ADAMTS17: variants seen among roughly 807,000 people sequenced by gnomAD.
ADAMTS17 encodes the protein A disintegrin and metalloproteinase with thrombospondin motifs 17.
ADAMTS17 carries 113 observed loss-of-function variants against 141.5 expected under a neutral mutation model. The ratio of observed to expected loss-of-function variants is 0.80; its 90% CI spans 0.69 to 0.93. The LOEUF is 0.93. Ranked by LOEUF, ADAMTS17 falls within the 40% of genes least tolerant of loss-of-function variation. The probability of loss-of-function intolerance (pLI) is 0.00; values close to 1 mark genes in which losing one functional copy is unlikely to be tolerated. For missense variants in ADAMTS17, 1,659 were observed against 1,517.9 expected (o/e 1.09, Z -1.54); for synonymous variants, 768 against 630.6 (o/e 1.22, Z -3.27).
In ADAMTS17 at chr15:100,071,073, C is replaced by T. The variant is rs565010395; in HGVS notation, c.2138-17019G>A. 6.7e-4 allele frequency among the ~76,000 whole-genome samples: 101 copies of T among 150,314 alleles called. 2 individuals carry two copies. The highest frequency in any genetic ancestry group is 1.3e-3 in the South Asian group (6 of 4,744). ...TGATAAAGCAGATATCACCACTGAT[C>T]CCACAGAAATACAAACTGCCATCAG... On this transcript the variant is annotated intron_variant, in intron 15 of 21. Transcript: ENST00000268070.
intron 11 of ADAMTS17, 24 bp downstream of exon 11, chr15:100,133,190 G>C: frequency 6.4e-7 from 1 of 1,560,920 alleles, no homozygotes; most frequent in Non-Finnish European, 8.7e-7. Flanking sequence ...TGCCTGTTGG[G>C]GGCAGTGGGA....
intron 2 of ADAMTS17, 40 bp downstream of exon 2, chr15:100,340,999 C>G (rs1193935149): frequency 1.3e-6 from 2 of 1,524,066 alleles, no homozygotes; most frequent in Admixed American, 3.9e-5. Flanking sequence ...TGCGTCGCAA[C>G]AGACCGGACG....
At chr15:100,054,518 C>T (rs2032404798) in intron 15 of ADAMTS17, among the ~76,000 whole-genome samples, 1 of 152,152 alleles carries the variant, frequency 6.6e-6, no homozygotes, top group Admixed American at 6.5e-5. Flanking sequence ...TATTACCTAC[C>T]TGGGGTTCCA....
chr15:100,334,653 G>A (rs969184706), intron 2 of ADAMTS17, among the ~76,000 whole-genome samples: 3 of 152,186 alleles, frequency 2.0e-5, no homozygotes, highest in African/African-American at 7.2e-5. Context: ...ACGCAACACG[G>A]CCACGCGGGG....
chr15:100,055,129 C>G (rs1452801760), intron 15 of ADAMTS17, among the ~76,000 whole-genome samples: 1 of 152,092 alleles, frequency 6.6e-6, no homozygotes, highest in African/African-American at 2.4e-5. Context: ...AGTCCTATGC[C>G]CACACTCCCT....
intron 20 of ADAMTS17, among the ~76,000 whole-genome samples, chr15:99,985,791 A>C (rs1315161126): frequency 6.6e-6 from 1 of 152,176 alleles, no homozygotes; most frequent in African/African-American, 2.4e-5. Context: ...CCAATGAGAT[A>C]CCCTGAGGGA....
chr15:100,113,859 C>T (rs1276890965), intron 13 of ADAMTS17, among the ~76,000 whole-genome samples: 1 of 152,204 alleles, frequency 6.6e-6, no homozygotes, highest in Admixed American at 6.5e-5. Flanking sequence ...GCGCTGGGAA[C>T]GCACAGCCAC....
intron 8 of ADAMTS17, among the ~76,000 whole-genome samples, chr15:100,170,535 C>T (rs543641295): frequency 6.6e-6 from 1 of 152,330 alleles, no homozygotes; most frequent in South Asian, 2.1e-4. Flanking sequence ...AAATTGGGAA[C>T]CATTGAAAGT....
intron 15 of ADAMTS17, among the ~76,000 whole-genome samples, chr15:100,094,042 A>G (rs2035620136): frequency 6.6e-6 from 1 of 152,026 alleles, no homozygotes; most frequent in African/African-American, 2.4e-5. Flanking sequence ...TATACAATCC[A>G]CATGGATGTG....
chr15:99,990,339 G>T (rs1204757593), intron 20 of ADAMTS17, among the ~76,000 whole-genome samples: 1 of 152,230 alleles, frequency 6.6e-6, no homozygotes, highest in South Asian at 2.1e-4. Flanking sequence ...CCCAGCCAAA[G>T]CACACATATC....
chr15:100,026,364 C>T (rs1276565328), intron 18 of ADAMTS17, among the ~76,000 whole-genome samples: 1 of 152,214 alleles, frequency 6.6e-6, no homozygotes, highest in Non-Finnish European at 1.5e-5. Context: ...TTGTACATGT[C>T]TTGTACAACT....
chr15:99,972,474 C>T lies in ADAMTS17; in HGVS notation c.*1928G>A, dbSNP rs1183469298. 2.0e-5 allele frequency: 3 copies of T among 152,126 alleles called. No individual in the cohort carries two copies. Among genetic ancestry groups the T allele is most frequent in the Admixed American group, 2.0e-4 (3 of 15,274 alleles). The allele number at this position is 152,126 out of a possible 1,614,324, so 9.4% of individuals were successfully genotyped here. A position where few individuals can be genotyped will look rare whatever the true frequency, so the allele number is the denominator to read the frequency against. On this transcript the variant is annotated 3_prime_UTR_variant, in exon 22 of 22. Transcript: ENST00000268070. The stretch of plus-strand genomic sequence containing the variant: ...GAGCTTGCCCGGCTCTGCTCCTTGG[C>T]TGCAAAAGTCTAAATGTCTTTCAGT...
At chr15:100,231,629 T>C (rs1390037571) in intron 7 of ADAMTS17, among the ~76,000 whole-genome samples, 1 of 152,208 alleles carries the variant, frequency 6.6e-6, no homozygotes, top group East Asian at 1.9e-4. Context: ...CCCAAGCTGA[T>C]GTCACACAAT....
intron 4 of ADAMTS17, 47 bp from the exon 5 acceptor site, chr15:100,262,482 T>TA (rs779549639): frequency 3.0e-5 from 45 of 1,498,330 alleles, no homozygotes; most frequent in Non-Finnish European, 3.9e-5. Flanking sequence ...TAAAAAATTT[T>TA]AAAAATACAG....
intron 8 of ADAMTS17, among the ~76,000 whole-genome samples, chr15:100,186,502 G>C (rs530693074): frequency 1.7e-4 from 26 of 152,230 alleles, no homozygotes; most frequent in African/African-American, 6.3e-4. Flanking sequence ...CTCCCATCTT[G>C]GCGCCATCTC....
At chr15:100,097,313 G>A (rs1203747687) in intron 14 of ADAMTS17, among the ~76,000 whole-genome samples, 1 of 152,136 alleles carries the variant, frequency 6.6e-6, no homozygotes, top group African/African-American at 2.4e-5. Flanking sequence ...CAAGAACTGG[G>A]TTTTTCCTAC....
intron 8 of ADAMTS17, among the ~76,000 whole-genome samples, chr15:100,184,916 CT>C (rs978110541): frequency 6.6e-6 from 1 of 152,174 alleles, no homozygotes; most frequent in African/African-American, 2.4e-5. Context: ...GGCCCCATGG[CT>C]TTTGTTAATC....
intron 7 of ADAMTS17, among the ~76,000 whole-genome samples, chr15:100,217,899 CTGAT>C (rs2042018235): frequency 1.3e-5 from 2 of 152,196 alleles, no homozygotes; most frequent in African/African-American, 4.8e-5. Flanking sequence ...GAATGATTGA[CTGAT>C]TAACAGGGTC....
At chr15:99,986,260 T>C (rs370587152) in intron 20 of ADAMTS17, among the ~76,000 whole-genome samples, 2 of 152,242 alleles carry the variant, frequency 1.3e-5, no homozygotes, top group Non-Finnish European at 2.9e-5. Flanking sequence ...ACAAGGTTCG[T>C]TCATTGTTAA....
Sources: gnomAD v4.1 joint callset for allele counts (sites outside exome capture counted in the v4.1 genomes callset) on GRCh38, gnomAD v4.1.1 for gene constraint, MANE v1.5 for transcripts, NCBI Gene and HGNC (gene_info 2026-07-23, HGNC 2026-07-21) for gene names.